GLP1R: variants seen among roughly 807,000 people sequenced by gnomAD.
GLP1R encodes glucagon-like peptide 1 receptor.
In GLP1R, 32 loss-of-function variants were observed where a neutral mutation model predicts 68.4. That is an observed-to-expected ratio of 0.47 (90% CI 0.35 to 0.63). The LOEUF is 0.63. Ranked by LOEUF, GLP1R falls within the 20% of genes least tolerant of loss-of-function variation. The probability of loss-of-function intolerance (pLI) is 0.00; values close to 1 mark genes in which losing one functional copy is unlikely to be tolerated. For missense variants in GLP1R, 502 were observed against 594.9 expected, an observed-to-expected ratio of 0.84 and a Z score of 1.62; for synonymous variants, 263 against 244.4, an observed-to-expected ratio of 1.08 and a Z score of -0.71.
chr6:39,072,739 A>T, intron 5 of GLP1R, 123 bp from the exon 6 acceptor site: 1 of 773,550 alleles, frequency 1.3e-6, no homozygotes, highest in Non-Finnish European at 2.1e-6. Context: ...TTCATAGAAG[A>T]AGACACACGC....
chr6:39,057,421 G>A, intron 2 of GLP1R, 51 bp from the exon 3 acceptor site: 1 of 1,189,808 alleles, frequency 8.4e-7, no homozygotes. Flanking sequence ...GAGGGAAAGG[G>A]CCATGGCCAG....
Position 39,078,956 on chromosome 6 carries a change from GC to G in GLP1R, c.885del (p.Cys296AlafsTer8). 1 of 1,613,642 alleles carries G rather than the reference GC, an allele frequency of 6.2e-7. No homozygotes were observed. The highest frequency in any genetic ancestry group is 1.1e-5 in the South Asian group (1 of 91,078). On this transcript the variant is annotated frameshift_variant and splice_region_variant, in exon 9 of 13. Coordinates refer to ENST00000373256, the MANE Select transcript of GLP1R (RefSeq NM_002062.5). LOFTEE classifies it high-confidence loss of function. The stretch of plus-strand genomic sequence containing the variant: ...ATGTGTGCATCTCTCTCCCTCCCCA[GC>G]TGCTGGACCAGGAACTCCAACATGA... The part of the protein sequence containing the change: ...GIVKYLYEDE[G>X]CWTRNSNMNY...
At chr6:39,063,897 T>C (rs113069096) in intron 3 of GLP1R, among the ~76,000 whole-genome samples, 10,111 of 141,958 alleles carry the variant, frequency 0.071, 446 homozygotes, top group East Asian at 0.12. Flanking sequence ...CCCCATCGTG[T>C]ACACACACAC....
At position 39,073,018 on chromosome 6, in the gene GLP1R, G is replaced by A. The variant is rs1395951465; in HGVS notation, c.663+3G>A. The A allele has an allele frequency of 1.9e-6, 3 of 1,613,434 alleles. No homozygotes were observed. Among genetic ancestry groups the A allele is most frequent in the Non-Finnish European group, 1.7e-6 (2 of 1,179,744 alleles). ...GGGATGGGCTCCTCTCCTACCAGGTGTGTGGTGCATCCAGGACCGCCTCAG... is the reference window on the plus strand; with the variant it reads ...GGGATGGGCTCCTCTCCTACCAGGTATGTGGTGCATCCAGGACCGCCTCAG... On this transcript the variant is annotated splice_donor_region_variant and intron_variant, in intron 6 of 12. Transcript: ENST00000373256.
intron 7 of GLP1R, among the ~76,000 whole-genome samples, chr6:39,077,707 T>C (rs1170151519): frequency 6.6e-6 from 1 of 151,966 alleles, no homozygotes; most frequent in Admixed American, 6.6e-5. Context: ...ACTACACAAG[T>C]CAAGTCTCAG....
At position 39,072,988 on chromosome 6, in the gene GLP1R, C is replaced by T; in HGVS notation, c.636C>T (p.His212=). The T allele has an allele frequency of 6.2e-7, 1 of 1,614,106 alleles. No homozygotes were observed. The highest frequency in any genetic ancestry group is 8.5e-7 in the Non-Finnish European group (1 of 1,179,966). Residue 212 remains histidine (H), a synonymous_variant, in exon 6 of 13, where the codon CAC becomes CAT. Transcript: ENST00000373256. ...TGTATAGCACAGCCGCCCAGCAGCA[C>T]CAGTGGGATGGGCTCCTCTCCTACC... ...KWMYSTAAQQ[H]QWDGLLSYQD...
intron 7 of GLP1R, among the ~76,000 whole-genome samples, chr6:39,077,493 TC>T (rs1768861388): frequency 1.3e-5 from 2 of 152,170 alleles, no homozygotes; most frequent in Non-Finnish European, 2.9e-5. Flanking sequence ...GCAACTGGTT[TC>T]CCCCAGAGCA....
intron 5 of GLP1R, among the ~76,000 whole-genome samples, chr6:39,070,771 T>C (rs1768639194): frequency 6.6e-6 from 1 of 152,338 alleles, no homozygotes; most frequent in East Asian, 1.9e-4. Context: ...ACTTTTTCAT[T>C]GGCTTATTTG....
intron 6 of GLP1R, among the ~76,000 whole-genome samples, chr6:39,073,356 G>C (rs1768725195): frequency 6.6e-6 from 1 of 152,226 alleles, no homozygotes; most frequent in Non-Finnish European, 1.5e-5. Context: ...TTACTTCTCT[G>C]AGGCTGAGAA....
chr6:39,070,477 G>A (rs1384751643), intron 5 of GLP1R, among the ~76,000 whole-genome samples: 2 of 152,172 alleles, frequency 1.3e-5, no homozygotes, highest in Non-Finnish European at 2.9e-5. Flanking sequence ...CATATAACTA[G>A]GAGTAGAATT....
At chr6:39,055,501 G>A (rs1768189551) in intron 1 of GLP1R, among the ~76,000 whole-genome samples, 1 of 152,162 alleles carries the variant, frequency 6.6e-6, no homozygotes, top group Non-Finnish European at 1.5e-5. Context: ...GGTCTGTTTG[G>A]GTCTGTGTGC....
At chr6:39,055,979 G>C (rs1768203203) in intron 1 of GLP1R, among the ~76,000 whole-genome samples, 1 of 152,138 alleles carries the variant, frequency 6.6e-6, no homozygotes, top group Non-Finnish European at 1.5e-5. Context: ...TTCTAGAATG[G>C]TTGAAAGTGC....
At position 39,079,170 on chromosome 6, in the gene GLP1R, A is replaced by G. The variant is rs202103886; in HGVS notation, c.1013A>G (p.Asn338Ser). 3 of 1,613,878 alleles carry G rather than the reference A, an allele frequency of 1.9e-6. No homozygotes were observed. The highest frequency in any genetic ancestry group is 2.2e-5 in the South Asian group (2 of 91,070). The change falls in exon 10 of 13, where the codon AAT (asparagine) becomes AGT (serine). Residue 338 changes from asparagine (N) to serine (S), a missense_variant. Coordinates refer to ENST00000373256, the MANE Select transcript of GLP1R (RefSeq NM_002062.5). This position sits in a 1 kb window ranked among gnomAD's most constrained non-coding sequence, Gnocchi z 4.5. ...ATCGTGGTATCCAAACTGAAGGCCA[A>G]TCTCATGTGCAAGACAGACATCAAA... ...ICIVVSKLKA[N>S]LMCKTDIKCR...
At chr6:39,052,449 T>C (rs1653148915) in intron 1 of GLP1R, among the ~76,000 whole-genome samples, 1 of 152,124 alleles carries the variant, frequency 6.6e-6, no homozygotes, top group Non-Finnish European at 1.5e-5. Context: ...TTGGAATCCC[T>C]CCTTCCTCCT....
At position 39,049,167 on chromosome 6, in the gene GLP1R, T is replaced by C. The variant is rs1409836480; in HGVS notation, c.78+249T>C. Among the ~76,000 whole-genome samples, 1 of 151,966 alleles carries C rather than the reference T, an allele frequency of 6.6e-6. No individual in the cohort carries two copies. The highest frequency in any genetic ancestry group is 2.4e-5 in the African/African-American group (1 of 41,380). On this transcript the variant is annotated intron_variant, in intron 1 of 12. Transcript: ENST00000373256. This position sits in a 1 kb window ranked among gnomAD's most constrained non-coding sequence, Gnocchi z 4.5. ...GGCGCCCTCTTCCTCGCCACCCGGG[T>C]CCCTCTGCCCGGGCACCCGCTGCCC...
Position 39,066,295 on chromosome 6 carries a change from C to T in GLP1R, c.501C>T (p.Leu167=), listed in dbSNP as rs61754624. ...TGGTTATCGCCTCTGCGATCCTCCT[C>T]GGCTTCAGGTAAGGTGGCCCGGACC... The part of the protein sequence containing the change: ...SALVIASAIL[L]GFRHLHCTRN... The change falls in exon 5 of 13, where the codon CTC becomes CTT. Residue 167 remains leucine (L), a synonymous_variant. Coordinates refer to ENST00000373256, the MANE Select transcript of GLP1R (RefSeq NM_002062.5). 785 of 1,599,500 alleles carry T rather than the reference C, an allele frequency of 4.9e-4. 1 individual carries two copies. Among genetic ancestry groups the T allele is most frequent in the Admixed American group, 8.5e-4 (51 of 59,994 alleles).
chr6:39,051,410 G>A (rs1768084706), intron 1 of GLP1R, among the ~76,000 whole-genome samples: 1 of 152,188 alleles, frequency 6.6e-6, no homozygotes, highest in South Asian at 2.1e-4. Context: ...GAGAGGGGCT[G>A]TTGGAGACCC....
At chr6:39,050,476 T>A (rs1483289963) in intron 1 of GLP1R, among the ~76,000 whole-genome samples, 1 of 152,112 alleles carries the variant, frequency 6.6e-6, no homozygotes, top group Non-Finnish European at 1.5e-5. Context: ...ACCCACACTT[T>A]CCTCTGATCC....
rs201669667 is a variant in GLP1R at position 39,079,599 on chromosome 6, T to C, written c.1079T>C (p.Leu360Pro). ...TCCACGCTGACACTCATCCCCCTGC[T>C]GGGGACTCATGAGGTCATCTTTGCC... ...AKSTLTLIPL[L>P]GTHEVIFAFV... Residue 360 changes from leucine to proline, a missense_variant, in exon 11 of 13, where the codon CTG becomes CCG. Transcript: ENST00000373256. The surrounding 1 kb of genome is among the most constrained non-coding windows in gnomAD (Gnocchi z 4.5). 18 of 1,607,834 alleles carry C rather than the reference T, an allele frequency of 1.1e-5. No individual in the cohort carries two copies. Among genetic ancestry groups the C allele is most frequent in the Non-Finnish European group, 1.5e-5 (18 of 1,177,324 alleles).
Sources: gnomAD v4.1 joint callset for allele counts (sites outside exome capture counted in the v4.1 genomes callset) on GRCh38, gnomAD v4.1.1 for gene constraint, Gnocchi (gnomAD v3.1) non-coding constraint, MANE v1.5 for transcripts, NCBI Gene and HGNC (gene_info 2026-07-23, HGNC 2026-07-21) for gene names.